The following AFF1 variants were observed in gnomAD, a reference collection of about 807,000 sequenced individuals.
AFF1 encodes AF4/FMR2 family member 1.
AFF1 carries 48 observed loss-of-function variants against 121.7 expected under a neutral mutation model. The ratio of observed to expected loss-of-function variants is 0.39; its 90% confidence interval spans 0.31 to 0.50. AFF1 has a LOEUF of 0.50. Among genes scored for constraint, AFF1 ranks in the 20% least tolerant of loss-of-function variants. AFF1 has a pLI of 0.76. For synonymous variants in AFF1, 613 were observed against 563.0 expected (o/e 1.09, Z -1.26); for missense variants, 1,523 against 1,511.7 (o/e 1.01, Z -0.12).
At chr4:87,129,616 A>G (rs2149797052) in intron 16 of AFF1, among the ~76,000 whole-genome samples, 1 of 152,362 alleles carries the variant, frequency 6.6e-6, no homozygotes, top group East Asian at 1.9e-4. Flanking sequence ...GGGAATACTC[A>G]TTTGATTTTT....
chr4:86,942,954 C>G (rs1279915458), intron 1 of AFF1, among the ~76,000 whole-genome samples: 1 of 152,214 alleles, frequency 6.6e-6, no homozygotes, highest in Non-Finnish European at 1.5e-5. Context: ...TTACTTACAG[C>G]TAAACACATT....
rs1337616170 is a variant in AFF1 at position 87,038,077 on chromosome 4, C to A, written c.39-8089C>A. The stretch of plus-strand genomic sequence containing the variant: ...GCATTGAGATAATCCCCTGGGGGCT[C>A]TTCCAGGAAAACAACTGACATCGTG... On this transcript the variant is annotated intron_variant, in intron 2 of 20. Transcript: ENST00000395146. Among the ~76,000 whole-genome samples, 4 of 152,198 alleles carry A rather than the reference C, an allele frequency of 2.6e-5. No individual in the cohort carries two copies. The East Asian group carries it at 5.8e-4, about 22-fold the overall frequency.
At chr4:87,026,439 A>G (rs987931196) in intron 2 of AFF1, among the ~76,000 whole-genome samples, 2 of 152,032 alleles carry the variant, frequency 1.3e-5, no homozygotes, top group African/African-American at 4.8e-5. Context: ...GGTAACCAAA[A>G]TGTTCCATCG....
chr4:87,069,619 C>T (rs759548624), intron 4 of AFF1, among the ~76,000 whole-genome samples: 2 of 150,254 alleles, frequency 1.3e-5, no homozygotes, highest in Non-Finnish European at 2.9e-5. Flanking sequence ...TTCCCTTTCC[C>T]CCCACTTCCT....
chr4:86,976,886 C>T (rs1156374402), intron 2 of AFF1, among the ~76,000 whole-genome samples: 2 of 152,176 alleles, frequency 1.3e-5, no homozygotes, highest in Non-Finnish European at 2.9e-5. Flanking sequence ...TCATCTGTAA[C>T]ACTGAAATGA....
intron 2 of AFF1, chr4:86,949,597 G>A (rs1377949664): frequency 5.8e-6 from 7 of 1,209,572 alleles, no homozygotes; most frequent in Non-Finnish European, 8.2e-6. Context: ...GTGCTGGAGA[G>A]CTGTGGGCCC....
Position 87,127,169 on chromosome 4 carries a change from C to T in AFF1, c.2903+52C>T, listed in dbSNP as rs1398285486. On this transcript the variant is annotated intron_variant, in intron 15 of 20. Coordinates refer to ENST00000395146, the MANE Select transcript of AFF1 (RefSeq NM_001166693.3). Reference sequence around the variant, plus strand: ...CTCTGTTTTGTTTTGTTTTGCTTCCCCCCCCCACCAAGATAGAGTCTCACT... The same window carrying T: ...CTCTGTTTTGTTTTGTTTTGCTTCCTCCCCCCACCAAGATAGAGTCTCACT... 9 of 1,282,964 alleles carry T rather than the reference C, an allele frequency of 7.0e-6. No individual in the cohort carries two copies. In the Admixed American group the frequency reaches 9.5e-5, roughly 14 times the overall value. 79.5% of individuals were successfully genotyped at this position (1,282,964 alleles called of 1,614,324 possible). A position where few individuals can be genotyped will look rare whatever the true frequency, so the allele number is the denominator to read the frequency against.
At chr4:87,017,319 A>G (rs968551750) in intron 2 of AFF1, among the ~76,000 whole-genome samples, 1 of 152,054 alleles carries the variant, frequency 6.6e-6, no homozygotes, top group Non-Finnish European at 1.5e-5. Context: ...GATCTGATCA[A>G]TTTTGCATTT....
chr4:86,945,497 A>ATTTTTTT (rs34305215), intron 1 of AFF1, among the ~76,000 whole-genome samples: 3 of 86,632 alleles, frequency 3.5e-5, no homozygotes, highest in African/African-American at 1.6e-4. Context: ...GCCTTTCCCA[A>ATTTTTTT]TTTTTTTTTT....
intron 2 of AFF1, among the ~76,000 whole-genome samples, chr4:86,983,666 G>A (rs959019743): frequency 2.6e-5 from 4 of 151,834 alleles, no homozygotes; most frequent in Non-Finnish European, 4.4e-5. Flanking sequence ...CCGAGATGGC[G>A]CCTCTGCACT....
At chr4:87,115,554 A>G (rs1405655148) in intron 12 of AFF1, among the ~76,000 whole-genome samples, 1 of 147,722 alleles carries the variant, frequency 6.8e-6, no homozygotes, top group African/African-American at 2.5e-5. Context: ...CAGTCATTAA[A>G]AACAATAGCT....
At chr4:87,012,880 A>G (rs1346488513) in intron 2 of AFF1, among the ~76,000 whole-genome samples, 1 of 151,978 alleles carries the variant, frequency 6.6e-6, no homozygotes, top group Non-Finnish European at 1.5e-5. Flanking sequence ...TCCTTTTCTT[A>G]TCTGTTCACA....
intron 11 of AFF1, among the ~76,000 whole-genome samples, chr4:87,113,922 A>G (rs180699265): frequency 2.6e-5 from 4 of 152,316 alleles, no homozygotes; most frequent in Admixed American, 1.3e-4. Flanking sequence ...GTTGAAAAAT[A>G]TGTCAAAAAA....
rs533663385 is a variant in AFF1, at chr4:87,085,850, T to G, written c.1104+1686T>G. 3.3e-5 allele frequency among the ~76,000 whole-genome samples: 5 copies of G among 152,066 alleles called. No homozygotes were observed. The South Asian group carries it at 1.0e-3, about 32-fold the overall frequency. The stretch of plus-strand genomic sequence containing the variant: ...ACCTCCTGGGTTCAAGCGATTCTTG[T>G]GCCTCAGCCACCCAAGTAGCCGGGA... On this transcript the variant is annotated intron_variant, in intron 5 of 20. Coordinates refer to ENST00000395146, the MANE Select transcript of AFF1 (RefSeq NM_001166693.3).
intron 4 of AFF1, among the ~76,000 whole-genome samples, chr4:87,080,655 A>G (rs2149695907): frequency 6.6e-6 from 1 of 152,332 alleles, no homozygotes; most frequent in South Asian, 2.1e-4. Context: ...GCAAGACCCC[A>G]TCTCTGTAAA....
intron 1 of AFF1, among the ~76,000 whole-genome samples, chr4:86,945,186 G>A (rs939093944): frequency 6.6e-6 from 1 of 152,178 alleles, no homozygotes; most frequent in African/African-American, 2.4e-5. Flanking sequence ...TTACACATAG[G>A]GGCATGGAGG....
Position 87,140,397 on chromosome 4 carries a change from A to ATT in AFF1, c.*4705_*4706dup. 1.7e-5 allele frequency: 3 copies of ATT among 181,480 alleles called. No individual in the cohort carries two copies. The highest frequency in any genetic ancestry group is 2.3e-5 in the Non-Finnish European group (2 of 86,506). 11.2% of individuals were successfully genotyped at this position (181,480 alleles called of 1,614,324 possible). A position where few individuals can be genotyped will look rare whatever the true frequency, so the allele number is the denominator to read the frequency against. On this transcript the variant is annotated 3_prime_UTR_variant, in exon 21 of 21. Coordinates refer to ENST00000395146, the MANE Select transcript of AFF1 (RefSeq NM_001166693.3). ...CGCATGTGTCCCAAATCTTGTTTTA[A>ATT]TTTTTTTTTTCTGAATGTGATCATG... is the stretch of plus-strand genomic sequence containing the variant.
chr4:87,068,328 G>C (rs916115546), intron 4 of AFF1, among the ~76,000 whole-genome samples: 2 of 141,724 alleles, frequency 1.4e-5, no homozygotes, highest in African/African-American at 2.6e-5. Flanking sequence ...TACACATAAT[G>C]CCTTGTGATA....
At chr4:87,125,760 G>A (rs1439801768) in intron 13 of AFF1, among the ~76,000 whole-genome samples, 2 of 152,204 alleles carry the variant, frequency 1.3e-5, no homozygotes, top group Admixed American at 1.3e-4. Flanking sequence ...ACAGAGATGG[G>A]GAAGGCTCAG....
Sources: gnomAD v4.1 joint callset for allele counts (sites outside exome capture counted in the v4.1 genomes callset) on GRCh38, gnomAD v4.1.1 for gene constraint, MANE v1.5 for transcripts, NCBI Gene and HGNC (gene_info 2026-07-23, HGNC 2026-07-21) for gene names.